JAK1: variants seen among roughly 807,000 people sequenced by gnomAD.
JAK1 encodes tyrosine-protein kinase JAK1.
JAK1 carries 16 observed loss-of-function variants against 136.6 expected under a neutral mutation model. That is an observed-to-expected ratio of 0.12 (90% CI 0.08 to 0.18). JAK1 has a LOEUF of 0.18. Among genes scored for constraint, JAK1 ranks in the 10% least tolerant of loss-of-function variants. JAK1 has a pLI of 1.00. For missense variants in JAK1, 859 were observed against 1,450.1 expected (o/e 0.59, Z 6.62); for synonymous variants, 492 against 519.5 (o/e 0.95, Z 0.72).
intron 2 of JAK1, among the ~76,000 whole-genome samples, chr1:64,995,819 C>A (rs1646699053): frequency 6.6e-6 from 1 of 152,134 alleles, no homozygotes; most frequent in South Asian, 2.1e-4. Flanking sequence ...CTCACTGCAG[C>A]CTCAACCTCC....
intron 2 of JAK1, among the ~76,000 whole-genome samples, chr1:65,010,680 T>G (rs1646841005): frequency 6.6e-6 from 1 of 152,218 alleles, no homozygotes. Flanking sequence ...ACAAATATTC[T>G]TTATTTAAAA....
chr1:64,924,570 T>A (rs916034319), intron 1 of JAK1, among the ~76,000 whole-genome samples: 19 of 152,326 alleles, frequency 1.2e-4, no homozygotes, highest in African/African-American at 4.6e-4. Context: ...TCTTTGTATG[T>A]CATGCATCAA....
intron 1 of JAK1, among the ~76,000 whole-genome samples, chr1:64,948,929 T>C (rs553895748): frequency 2.0e-5 from 3 of 152,140 alleles, no homozygotes; most frequent in East Asian, 1.9e-4. Context: ...TAAGGCTGTA[T>C]ATTCACCAAG....
intron 20 of JAK1, 56 bp from the exon 21 acceptor site, chr1:64,838,645 G>A (rs2100948913): frequency 1.3e-6 from 2 of 1,590,662 alleles, no homozygotes; most frequent in Non-Finnish European, 8.6e-7. Context: ...AACCATGGGA[G>A]AGGCAAGGGC....
intron 1 of JAK1, among the ~76,000 whole-genome samples, chr1:65,044,689 C>G (rs549871427): frequency 6.6e-6 from 1 of 152,128 alleles, no homozygotes; most frequent in South Asian, 2.1e-4. Context: ...CTGTTTGTAG[C>G]CAACAGGCCA....
At chr1:65,030,406 A>G in intron 2 of JAK1, among the ~76,000 whole-genome samples, 1 of 152,254 alleles carries the variant, frequency 6.6e-6, no homozygotes, top group East Asian at 1.9e-4. Context: ...AAAGTTTCTC[A>G]TTCTTGCAGT....
chr1:64,877,169 C>A (rs368580711), intron 4 of JAK1, among the ~76,000 whole-genome samples: 4 of 152,036 alleles, frequency 2.6e-5, no homozygotes, highest in Admixed American at 6.6e-5. Flanking sequence ...AAACAGAAAA[C>A]GATAATTGAA....
intron 1 of JAK1, among the ~76,000 whole-genome samples, chr1:64,915,221 A>T (rs7549435): frequency 6.6e-6 from 1 of 152,196 alleles, no homozygotes; most frequent in Non-Finnish European, 1.5e-5. Flanking sequence ...AAAATATATA[A>T]AGTAGTATAA....
intron 5 of JAK1, among the ~76,000 whole-genome samples, chr1:64,870,181 C>T (rs1208044709): frequency 6.6e-6 from 1 of 152,180 alleles, no homozygotes; most frequent in Non-Finnish European, 1.5e-5. Context: ...CTCAGTGCTG[C>T]CACACAGTGC....
At chr1:65,056,965 T>C (rs1425603246) in intron 1 of JAK1, among the ~76,000 whole-genome samples, 3 of 148,026 alleles carry the variant, frequency 2.0e-5, no homozygotes, top group African/African-American at 7.4e-5. Flanking sequence ...GGTTTTTCTC[T>C]CCCTGGCCCC....
intron 1 of JAK1, among the ~76,000 whole-genome samples, chr1:65,050,180 C>A (rs1389583653): frequency 1.3e-5 from 2 of 152,214 alleles, no homozygotes; most frequent in African/African-American, 2.4e-5. Flanking sequence ...ACTGTGAACT[C>A]CATGCCAGGC....
At chr1:65,011,511 A>G (rs1045226832) in intron 2 of JAK1, among the ~76,000 whole-genome samples, 3 of 152,174 alleles carry the variant, frequency 2.0e-5, no homozygotes, top group Non-Finnish European at 4.4e-5. Context: ...GATATCCAAA[A>G]TAGGACTTTT....
chr1:65,049,247 T>C (rs1647222390), intron 1 of JAK1, among the ~76,000 whole-genome samples: 1 of 151,996 alleles, frequency 6.6e-6, no homozygotes, highest in Non-Finnish European at 1.5e-5. Context: ...CAAAGAGAGA[T>C]CCTGTCTCTA....
rs751904288 is a variant in JAK1, at chr1:64,879,063, A to C, written c.291T>G (p.Val97=). Residue 97 remains valine, a synonymous_variant, in exon 4 of 25, where the codon GTT becomes GTG. Coordinates refer to ENST00000342505, the MANE Select transcript of JAK1 (RefSeq NM_002227.4). ...LWYAPNRTIT[V]DDKMSLRLHY... ...GGAGCCGGAGGGACATCTTGTCATCAACGGTGATGGTGCGATTTGGAGCAT... is the reference window on the plus strand; with the variant it reads ...GGAGCCGGAGGGACATCTTGTCATCCACGGTGATGGTGCGATTTGGAGCAT... The C allele has an allele frequency of 1.2e-6, 2 of 1,613,976 alleles. No individual in the cohort carries two copies. The highest frequency in any genetic ancestry group is 1.7e-6 in the Non-Finnish European group (2 of 1,180,006).
At chr1:64,878,978 T>C (rs1644725710) in intron 4 of JAK1, 47 bp downstream of exon 4, 1 of 1,601,044 alleles carries the variant, frequency 6.2e-7, no homozygotes, top group Non-Finnish European at 8.5e-7. Flanking sequence ...CCACTGTCCC[T>C]CAGTGCAGAG....
intron 22 of JAK1, among the ~76,000 whole-genome samples, chr1:64,837,002 G>A (rs1467965264): frequency 6.6e-6 from 1 of 152,202 alleles, no homozygotes; most frequent in Non-Finnish European, 1.5e-5. Flanking sequence ...CTGAGGTTCA[G>A]TTCCTGGGAA....
At chr1:64,857,895 G>T (rs1570649024) in intron 9 of JAK1, 116 bp from the exon 10 acceptor site, 1 of 1,260,768 alleles carries the variant, frequency 7.9e-7, no homozygotes, top group Non-Finnish European at 1.1e-6. Flanking sequence ...CACACTATCT[G>T]CCCTGCCTGG....
At chr1:65,016,258 G>A (rs543196593) in intron 2 of JAK1, among the ~76,000 whole-genome samples, 3 of 152,254 alleles carry the variant, frequency 2.0e-5, no homozygotes, top group East Asian at 1.9e-4. Flanking sequence ...AAAAGTTTTC[G>A]AAGTAGATAG....
chr1:64,999,535 C>T (rs1289752863), intron 2 of JAK1, among the ~76,000 whole-genome samples: 2 of 152,122 alleles, frequency 1.3e-5, no homozygotes, highest in South Asian at 2.1e-4. Flanking sequence ...CCCAGGAGCT[C>T]GAGACCAGCC....
Sources: gnomAD v4.1 joint callset for allele counts (sites outside exome capture counted in the v4.1 genomes callset) on GRCh38, gnomAD v4.1.1 for gene constraint, MANE v1.5 for transcripts, NCBI Gene and HGNC (gene_info 2026-07-23, HGNC 2026-07-21) for gene names.